The following MECOM variants were observed in gnomAD, a reference collection of about 807,000 sequenced individuals.
The protein encoded by MECOM is MDS1 and EVI1 complex locus.
In MECOM, 13 loss-of-function variants were observed where a neutral mutation model predicts 116.3. That is an observed-to-expected ratio of 0.11 (90% confidence interval 0.07 to 0.18). The LOEUF is 0.18. Ranked by LOEUF, MECOM falls within the 10% of genes least tolerant of loss-of-function variation. MECOM has a pLI of 1.00. For missense variants in MECOM, 1,299 were observed against 1,509.0 expected (o/e 0.86, Z 2.31); for synonymous variants, 528 against 535.2 (o/e 0.99, Z 0.19).
chr3:169,362,801 A>C (rs1270171876), intron 2 of MECOM, among the ~76,000 whole-genome samples: 1 of 151,898 alleles, frequency 6.6e-6, no homozygotes, highest in East Asian at 1.9e-4. Context: ...CCCACCATAC[A>C]CAAGGGCCCC....
At chr3:169,581,372 A>G (rs1159299582) in intron 1 of MECOM, among the ~76,000 whole-genome samples, 1 of 152,028 alleles carries the variant, frequency 6.6e-6, no homozygotes, top group Non-Finnish European at 1.5e-5. Flanking sequence ...CAGTTCCTCC[A>G]CCATCAAACC....
intron 1 of MECOM, among the ~76,000 whole-genome samples, chr3:169,645,811 T>C (rs1303932858): frequency 6.6e-6 from 1 of 152,236 alleles, no homozygotes; most frequent in African/African-American, 2.4e-5. Context: ...GCTATCTCCC[T>C]ATTGTTTAAT....
chr3:169,255,313 G>A (rs1182349810), intron 2 of MECOM, among the ~76,000 whole-genome samples: 1 of 152,042 alleles, frequency 6.6e-6, no homozygotes, highest in Non-Finnish European at 1.5e-5. Flanking sequence ...GTCCTTCCTA[G>A]TCATATGCCA....
At chr3:169,092,875 C>T (rs780894208) in intron 14 of MECOM, 83 bp downstream of exon 14, 43 of 1,539,718 alleles carry the variant, frequency 2.8e-5, no homozygotes, top group Admixed American at 2.7e-4. Flanking sequence ...ATAGTAGTGC[C>T]ACAAAAGTGA....
chr3:169,608,630 A>G (rs1351912466), intron 1 of MECOM, among the ~76,000 whole-genome samples: 4 of 152,178 alleles, frequency 2.6e-5, no homozygotes, highest in African/African-American at 9.7e-5. Context: ...GGCAGTTATT[A>G]AGAGTCTGGT....
chr3:169,540,324 T>C (rs1341537779), intron 1 of MECOM, among the ~76,000 whole-genome samples: 1 of 152,178 alleles, frequency 6.6e-6, no homozygotes, highest in Non-Finnish European at 1.5e-5. Flanking sequence ...CATTCTGCCT[T>C]CTAAACATCT....
intron 2 of MECOM, among the ~76,000 whole-genome samples, chr3:169,331,286 C>A (rs1483650761): frequency 1.3e-5 from 2 of 152,082 alleles, no homozygotes; most frequent in East Asian, 1.9e-4. Context: ...AAGCTCCCAA[C>A]TTTACCACTT....
At chr3:169,473,495 G>T (rs537519556) in intron 1 of MECOM, among the ~76,000 whole-genome samples, 1 of 152,324 alleles carries the variant, frequency 6.6e-6, no homozygotes, top group African/African-American at 2.4e-5. Context: ...ATACGGCAGG[G>T]CGTGGTGGCT....
At chr3:169,588,451 T>C (rs1235769856) in intron 1 of MECOM, among the ~76,000 whole-genome samples, 2 of 152,196 alleles carry the variant, frequency 1.3e-5, no homozygotes, top group African/African-American at 2.4e-5. Flanking sequence ...GTCATCCTGT[T>C]AGACATATAA....
intron 5 of MECOM, among the ~76,000 whole-genome samples, chr3:169,127,295 C>T (rs1004628098): frequency 1.3e-5 from 2 of 151,972 alleles, no homozygotes; most frequent in South Asian, 2.1e-4. Flanking sequence ...ACTTCATTTA[C>T]GTTATTGTGT....
At chr3:169,573,332 A>T (rs1436128341) in intron 1 of MECOM, among the ~76,000 whole-genome samples, 2 of 152,248 alleles carry the variant, frequency 1.3e-5, no homozygotes, top group Non-Finnish European at 2.9e-5. Flanking sequence ...TTGTAAATGT[A>T]CACAAAGCCC....
chr3:169,291,785 G>A (rs1219678639), intron 2 of MECOM, among the ~76,000 whole-genome samples: 2 of 152,152 alleles, frequency 1.3e-5, no homozygotes, highest in Non-Finnish European at 2.9e-5. Context: ...GTTTAGTATG[G>A]AGATAGCTAC....
intron 2 of MECOM, among the ~76,000 whole-genome samples, chr3:169,185,488 A>G (rs938542302): frequency 2.6e-5 from 4 of 152,200 alleles, no homozygotes; most frequent in African/African-American, 7.2e-5. Flanking sequence ...GAAGTTTGCA[A>G]TAAGATAAAA....
intron 2 of MECOM, among the ~76,000 whole-genome samples, chr3:169,216,030 A>G (rs985796309): frequency 6.6e-6 from 1 of 152,208 alleles, no homozygotes; most frequent in Admixed American, 6.5e-5. Context: ...CCTGAAAGGC[A>G]TATTTTTTCA....
At chr3:169,562,168 G>GAAAAA (rs1762729160) in intron 1 of MECOM, among the ~76,000 whole-genome samples, 7 of 93,334 alleles carry the variant, frequency 7.5e-5, no homozygotes, top group South Asian at 3.6e-4. Flanking sequence ...AAAAAGGAAA[G>GAAAAA]AAAGAAAGAA....
At chr3:169,604,210 A>G (rs527703479) in intron 1 of MECOM, among the ~76,000 whole-genome samples, 1 of 152,076 alleles carries the variant, frequency 6.6e-6, no homozygotes, top group African/African-American at 2.4e-5. Flanking sequence ...AAATATACAA[A>G]AGAGAGAGAA....
intron 2 of MECOM, among the ~76,000 whole-genome samples, chr3:169,227,230 A>G (rs1752839553): frequency 6.6e-6 from 1 of 152,236 alleles, no homozygotes; most frequent in African/African-American, 2.4e-5. Context: ...CAAAATAAAT[A>G]TAAACATCTT....
chr3:169,539,507 G>A (rs1161684587), intron 1 of MECOM, among the ~76,000 whole-genome samples: 1 of 152,110 alleles, frequency 6.6e-6, no homozygotes, highest in African/African-American at 2.4e-5. Flanking sequence ...CTCTTCCAGT[G>A]TCTGTCTATG....
At chr3:169,238,174 C>CAAAAAAA (rs869078937) in intron 2 of MECOM, among the ~76,000 whole-genome samples, 10 of 71,802 alleles carry the variant, frequency 1.4e-4, no homozygotes, top group Non-Finnish European at 1.9e-4. Context: ...GACTCCATCT[C>CAAAAAAA]AAAAAAAAAA....
Sources: gnomAD v4.1 joint callset for allele counts (sites outside exome capture counted in the v4.1 genomes callset) on GRCh38, gnomAD v4.1.1 for gene constraint, MANE v1.5 for transcripts, NCBI Gene and HGNC (gene_info 2026-07-23, HGNC 2026-07-21) for gene names.